Variants in RMDN1 observed in about 807,000 individuals in gnomAD.
RMDN1 encodes regulator of microtubule dynamics 1.
A neutral mutation model predicts 48.9 loss-of-function variants in RMDN1; 48 were observed. The ratio of observed to expected loss-of-function variants is 0.98; its 90% confidence interval spans 0.78 to 1.25. The LOEUF (loss-of-function observed/expected upper bound fraction) is 1.25, where lower values mean the gene tolerates loss of function less well. RMDN1 is among the 50% of genes most tolerant of loss of function. The pLI, the probability that RMDN1 is intolerant of heterozygous loss-of-function variation, is 0.00. For missense variants in RMDN1, 418 were observed against 373.4 expected, an observed-to-expected ratio of 1.12 and a Z score of -0.98; for synonymous variants, 148 against 132.6, an observed-to-expected ratio of 1.12 and a Z score of -0.80.
chr8:86,474,281 A>G lies in RMDN1; in HGVS notation c.*27T>C. 13 of 1,612,696 alleles carry G rather than the reference A, an allele frequency of 8.1e-6. No homozygotes were observed. Among genetic ancestry groups the G allele is most frequent in the Non-Finnish European group, 1.1e-5 (13 of 1,179,310 alleles). On this transcript the variant is annotated 3_prime_UTR_variant, in exon 10 of 10. Transcript: ENST00000406452. The stretch of plus-strand genomic sequence containing the variant: ...AAAGAAAAGGCAATGTTTATTAGCT[A>G]TTTCATAAATCTTCTCTGAAAAGTT...
At chr8:86,504,814 A>G in intron 2 of RMDN1, 1 of 1,046,062 alleles carries the variant, frequency 9.6e-7, no homozygotes, top group Non-Finnish European at 1.5e-6. Context: ...TATACCTCCA[A>G]CTTCTTAGTC....
chr8:86,501,629 A>G (rs928148021), intron 2 of RMDN1, among the ~76,000 whole-genome samples: 5 of 151,882 alleles, frequency 3.3e-5, no homozygotes, highest in Non-Finnish European at 7.4e-5. Flanking sequence ...AGTTGTGATC[A>G]TGCCACTGTG....
At chr8:86,505,519 G>A in intron 2 of RMDN1, 1 of 310,794 alleles carries the variant, frequency 3.2e-6, no homozygotes. Context: ...GCTCTACAAG[G>A]CAAATTAACT....
chr8:86,473,153 CTTTT>C lies in RMDN1; in HGVS notation c.*1151_*1154del. On this transcript the variant is annotated 3_prime_UTR_variant, in exon 10 of 10. Coordinates refer to ENST00000406452, the MANE Select transcript of RMDN1 (RefSeq NM_016033.3). ...ACAAAGATCACTACTTTCAGTTTTCCTTTTTGTTTGAAAATGTACATGACAAACA... is the reference window on the plus strand; with the variant it reads ...ACAAAGATCACTACTTTCAGTTTTCCTGTTTGAAAATGTACATGACAAACA... 1.0e-5 allele frequency: 10 copies of C among 985,272 alleles called. No individual in the cohort carries two copies. The highest frequency in any genetic ancestry group is 1.1e-5 in the Non-Finnish European group (9 of 829,862). 61.0% of individuals were successfully genotyped at this position (985,272 alleles called of 1,614,324 possible).
chr8:86,512,022 C>G (rs1346553629), upstream of RMDN1, among the ~76,000 whole-genome samples: 3 of 152,126 alleles, frequency 2.0e-5, no homozygotes, highest in Non-Finnish European at 4.4e-5. Context: ...TGGTATCTAA[C>G]ATGAATTCAA....
chr8:86,513,624 T>A (rs1820163167), upstream of RMDN1, among the ~76,000 whole-genome samples: 1 of 152,222 alleles, frequency 6.6e-6, no homozygotes, highest in South Asian at 2.1e-4. Flanking sequence ...TTCAGAAAAG[T>A]AGGCCAATTA....
chr8:86,473,773 TAAAAAAG>T lies in RMDN1; in HGVS notation c.*528_*534del. 1.0e-6 allele frequency: 1 copy of T among 967,728 alleles called. No homozygotes were observed. Among genetic ancestry groups the T allele is most frequent in the Non-Finnish European group, 1.2e-6 (1 of 813,958 alleles). 59.9% of individuals were successfully genotyped at this position (967,728 alleles called of 1,614,324 possible). ...AAAGTGAGACTCTGTCTCAAAAAAA[TAAAAAAG>T]GAAACTACTCCATTTTTAGTCATCT... On this transcript the variant is annotated 3_prime_UTR_variant, in exon 10 of 10. Transcript: ENST00000406452.
At chr8:86,484,798 A>G in intron 5 of RMDN1, 74 bp downstream of exon 5, 1 of 842,466 alleles carries the variant, frequency 1.2e-6, no homozygotes, top group Non-Finnish European at 1.9e-6. Context: ...ATACAGCAAT[A>G]GATAATGAAA....
chr8:86,474,902 A>G lies in RMDN1; in HGVS notation c.812T>C (p.Leu271Ser). The G allele has an allele frequency of 6.2e-7, 1 of 1,612,714 alleles. No homozygotes were observed. Among genetic ancestry groups the G allele is most frequent in the Non-Finnish European group, 8.5e-7 (1 of 1,179,408 alleles). ...KNLLLLGKTY[L>S]KLHNKKLAAF... ...AGCAAGCTTTTTGTTGTGTAGTTTC[A>G]AGTATGTCTTTCCTAAAAGAAGTAA... The change falls in exon 9 of 10, where the codon TTG becomes TCG. Residue 271 changes from leucine to serine, a missense_variant. Physicochemically the swap from Leu to Ser is moderately radical, Grantham distance 145 (BLOSUM62 -2). Coordinates refer to ENST00000406452, the MANE Select transcript of RMDN1 (RefSeq NM_016033.3).
chr8:86,495,029 G>T (rs994511570), intron 2 of RMDN1: 15 of 336,640 alleles, frequency 4.5e-5, no homozygotes, highest in South Asian at 3.4e-4. Context: ...AGACACTTTT[G>T]AAAAACTAGA....
At position 86,474,288 on chromosome 8, in the gene RMDN1, A is replaced by G. The variant is rs1037100655; in HGVS notation, c.*20T>C. The G allele has an allele frequency of 1.9e-6, 3 of 1,613,052 alleles. No individual in the cohort carries two copies. Among genetic ancestry groups the G allele is most frequent in the African/African-American group, 1.3e-5 (1 of 74,884 alleles). ...AGGCAATGTTTATTAGCTATTTCAT[A>G]AATCTTCTCTGAAAAGTTCTCAATT... On this transcript the variant is annotated 3_prime_UTR_variant, in exon 10 of 10. Transcript: ENST00000406452.
Position 86,492,958 on chromosome 8 carries a change from T to C in RMDN1, c.248-4319A>G, listed in dbSNP as rs1816744894. Among the ~76,000 whole-genome samples, 3 of 151,490 alleles carry C rather than the reference T, an allele frequency of 2.0e-5. No homozygotes were observed. In the South Asian group the frequency reaches 6.2e-4, roughly 31 times the overall value. ...AAGCATAAAGCAGATCAAAAGAGAA[T>C]TAAGCAGAAATTTTGAAGCATGGAA... On this transcript the variant is annotated intron_variant, in intron 2 of 9. Coordinates refer to ENST00000406452, the MANE Select transcript of RMDN1 (RefSeq NM_016033.3).
At chr8:86,468,847 A>C (rs997825740), downstream of RMDN1, 1 of 390,672 alleles carries the variant, frequency 2.6e-6, no homozygotes, top group Admixed American at 3.2e-5. Context: ...CTGTAGAAAT[A>C]TGGTCCCCCA....
intron 2 of RMDN1, chr8:86,504,777 G>C (rs1374294699): frequency 2.9e-6 from 3 of 1,043,870 alleles, no homozygotes; most frequent in Non-Finnish European, 4.5e-6. Context: ...CCGCCCAGCT[G>C]CGACTGCAAT....
intron 1 of RMDN1, 147 bp downstream of exon 1, chr8:86,508,345 C>T: frequency 1.2e-6 from 1 of 835,072 alleles, no homozygotes; most frequent in Non-Finnish European, 1.8e-6. Context: ...GGGACCTGTC[C>T]GGGCGTTCCA....
chr8:86,471,834 C>T (rs558526339), downstream of RMDN1, among the ~76,000 whole-genome samples: 13 of 152,236 alleles, frequency 8.5e-5, no homozygotes, highest in Admixed American at 5.2e-4. Flanking sequence ...ATCTGGAATG[C>T]GAGAGAATCT....
intron 2 of RMDN1, among the ~76,000 whole-genome samples, chr8:86,492,082 G>A (rs958782632): frequency 6.6e-6 from 1 of 152,010 alleles, no homozygotes; most frequent in African/African-American, 2.4e-5. Flanking sequence ...ACATACAAAG[G>A]AACACTGATC....
intron 8 of RMDN1, among the ~76,000 whole-genome samples, chr8:86,475,388 C>CAT (rs1420977853): frequency 1.3e-5 from 2 of 152,002 alleles, no homozygotes; most frequent in South Asian, 4.2e-4. Flanking sequence ...ATGATGATGA[C>CAT]ATATATATAT....
At chr8:86,489,042 C>A (rs995429353) in intron 2 of RMDN1, among the ~76,000 whole-genome samples, 28 of 152,024 alleles carry the variant, frequency 1.8e-4, no homozygotes, top group African/African-American at 6.3e-4. Context: ...GGCCTAGGGG[C>A]CGCAGGTTGG....
Sources: allele counts gnomAD v4.1 joint callset (sites outside exome capture counted in the v4.1 genomes callset), GRCh38; gene constraint gnomAD v4.1.1; transcripts MANE v1.5; gene names NCBI Gene and HGNC (gene_info 2026-07-23, HGNC 2026-07-21).